CSMD3: variants seen among roughly 807,000 people sequenced by gnomAD.
CSMD3 encodes the protein CUB and sushi domain-containing protein 3.
Under a neutral mutation model 435.2 loss-of-function variants are expected in CSMD3, and 177 were observed. The observed-to-expected ratio is 0.41, with a 90% confidence interval of 0.36 to 0.46. The LOEUF (loss-of-function observed/expected upper bound fraction) is 0.46. Ranked by LOEUF, CSMD3 falls within the 20% of genes least tolerant of loss-of-function variation. CSMD3 has a pLI of 0.34. For missense variants in CSMD3, 4,265 were observed against 4,504.6 expected (o/e 0.95, Z 1.52); for synonymous variants, 1,656 against 1,520.5 (o/e 1.09, Z -2.07).
chr8:112,365,339 A>G (rs1239004816), intron 38 of CSMD3, among the ~76,000 whole-genome samples: 2 of 152,102 alleles, frequency 1.3e-5, no homozygotes, highest in Non-Finnish European at 2.9e-5. Flanking sequence ...TTAGCACAAA[A>G]TCAGTAGAAG....
At chr8:112,821,052 G>A (rs536435350) in intron 12 of CSMD3, among the ~76,000 whole-genome samples, 7 of 151,920 alleles carry the variant, frequency 4.6e-5, no homozygotes, top group Non-Finnish European at 1.0e-4. Context: ...CCAGTCTATC[G>A]TTGATGGGCA....
At chr8:112,557,187 T>A (rs1482044540) in intron 24 of CSMD3, among the ~76,000 whole-genome samples, 1 of 151,912 alleles carries the variant, frequency 6.6e-6, no homozygotes, top group Non-Finnish European at 1.5e-5. Flanking sequence ...ATGGTCTATA[T>A]AATTACCATG....
rs145750770 is a variant in CSMD3 at position 112,556,888 on chromosome 8, C to A, written c.4109G>T (p.Gly1370Val). The change falls in exon 25 of 71, where the codon GGC (glycine) becomes GTC (valine). Residue 1370 changes from glycine to valine, a missense_variant. Around this residue, in one of 3 missense-constraint regions of CSMD3, gnomAD observed 3,255 missense variants for 3,380.2 expected, o/e 0.96. Coordinates refer to ENST00000297405, the MANE Select transcript of CSMD3 (RefSeq NM_198123.2). ...PQFGYKISDQ[G>V]HFAGSTIIYG... is the part of the protein sequence containing the mutation. ...AATGATGGTGCTACCAGCAAAGTGG[C>A]CTTGGTCACTGATCTTGTATCCAAA... The A allele has an allele frequency of 6.2e-7, 1 of 1,612,144 alleles. No individual in the cohort carries two copies. Among genetic ancestry groups the A allele is most frequent in the East Asian group, 2.2e-5 (1 of 44,792 alleles).
intron 10 of CSMD3, among the ~76,000 whole-genome samples, chr8:112,900,721 G>A (rs144499521): frequency 3.5e-4 from 53 of 151,308 alleles, no homozygotes; most frequent in African/African-American, 1.1e-3. Flanking sequence ...CAGAGAAAAA[G>A]CTCTTTAAAA....
chr8:112,500,327 G>C (rs1821818851), intron 30 of CSMD3, among the ~76,000 whole-genome samples: 1 of 151,988 alleles, frequency 6.6e-6, no homozygotes, highest in Admixed American at 6.6e-5. Context: ...CTAGTTTTTA[G>C]AAAAAGATTT....
chr8:112,710,142 G>A (rs553488220), intron 13 of CSMD3, among the ~76,000 whole-genome samples: 1 of 152,182 alleles, frequency 6.6e-6, no homozygotes, highest in East Asian at 1.9e-4. Context: ...AAGATATGGG[G>A]TTTATTTTTT....
intron 6 of CSMD3, among the ~76,000 whole-genome samples, chr8:112,982,297 A>G (rs2085082281): frequency 6.6e-6 from 1 of 151,920 alleles, no homozygotes; most frequent in Non-Finnish European, 1.5e-5. Flanking sequence ...TAGTCTTATA[A>G]GGTCACAAAA....
In CSMD3 at chr8:112,263,594, A is replaced by C. The variant is rs1230527257; in HGVS notation, c.9862+45T>G. The C allele has an allele frequency of 1.9e-6, 3 of 1,566,660 alleles. No individual in the cohort carries two copies. The East Asian group carries it at 6.8e-5, about 36-fold the overall frequency. ...ACAATCTCATATTTGGTCTAGAAAA[A>C]TTTGAAAATTTTAAGTAACAGTTGT... On this transcript the variant is annotated intron_variant, in intron 61 of 70. Transcript: ENST00000297405.
intron 9 of CSMD3, among the ~76,000 whole-genome samples, chr8:112,922,562 C>G (rs945387968): frequency 1.3e-5 from 2 of 151,992 alleles, no homozygotes; most frequent in Middle Eastern, 3.4e-3. Flanking sequence ...AACCATTATT[C>G]TAATCTCTAT....
chr8:112,689,820 A>G (rs765416251), intron 14 of CSMD3, 48 bp downstream of exon 14: 1 of 1,522,354 alleles, frequency 6.6e-7, no homozygotes, highest in Non-Finnish European at 9.1e-7. Flanking sequence ...ATTATATGCA[A>G]GGACAGGGTA....
At chr8:113,099,744 T>G (rs1393624852) in intron 4 of CSMD3, among the ~76,000 whole-genome samples, 1 of 152,072 alleles carries the variant, frequency 6.6e-6, no homozygotes, top group Non-Finnish European at 1.5e-5. Flanking sequence ...GCAGCGTGGT[T>G]ATATGAGTAG....
In CSMD3 at chr8:113,144,087, T is replaced by C. The variant is rs573022440; in HGVS notation, c.709+29635A>G. The stretch of plus-strand genomic sequence containing the variant: ...CTTGGGTTAAAAGGGTTATTTATAG[T>C]TATTTTTATTATTATTTATTATATA... On this transcript the variant is annotated intron_variant, in intron 4 of 70. Transcript: ENST00000297405. Among the ~76,000 whole-genome samples the C allele has an allele frequency of 4.0e-5, 6 of 150,348 alleles. No homozygotes were observed. In the South Asian group the frequency reaches 8.3e-4, roughly 21 times the overall value.
At chr8:112,602,541 G>C (rs889438602) in intron 22 of CSMD3, among the ~76,000 whole-genome samples, 3 of 147,490 alleles carry the variant, frequency 2.0e-5, no homozygotes, top group Non-Finnish European at 4.4e-5. Context: ...ACTCCAGCCT[G>C]GGCAACAAGA....
At chr8:112,792,354 T>C (rs546549019) in intron 13 of CSMD3, among the ~76,000 whole-genome samples, 19 of 152,260 alleles carry the variant, frequency 1.2e-4, no homozygotes, top group African/African-American at 3.8e-4. Flanking sequence ...GGGCTCTTTT[T>C]CTGGCTTGCA....
At chr8:113,043,595 T>G (rs1232108122) in intron 5 of CSMD3, among the ~76,000 whole-genome samples, 8 of 152,130 alleles carry the variant, frequency 5.3e-5, no homozygotes, top group African/African-American at 1.9e-4. Flanking sequence ...TTTGACTGAC[T>G]GAATTATTCT....
intron 1 of CSMD3, among the ~76,000 whole-genome samples, chr8:113,374,839 AAAAAAAAAC>A (rs869239168): frequency 0.48 from 55,170 of 115,464 alleles, 10,975 homozygotes; most frequent in Admixed American, 0.62. Flanking sequence ...AAAAAAAAAA[AAAAAAAAAC>A]CAATAAAATG....
intron 10 of CSMD3, among the ~76,000 whole-genome samples, chr8:112,913,056 C>T (rs1587654218): frequency 6.6e-6 from 1 of 151,920 alleles, no homozygotes; most frequent in African/African-American, 2.4e-5. Flanking sequence ...GCACATCCAC[C>T]ATTGTTCTCA....
Position 112,231,543 on chromosome 8 carries a change from AC to A in CSMD3, c.10828+1del. 6.4e-7 allele frequency: 1 copy of A among 1,552,242 alleles called. No individual in the cohort carries two copies. Among genetic ancestry groups the A allele is most frequent in the Non-Finnish European group, 8.9e-7 (1 of 1,123,742 alleles). ...TCGTGAAAATCAAAATGAATACATT[AC>A]CCAGTCTTTGTAGGCCAAATTGTCC... On this transcript the variant is annotated splice_donor_variant, in intron 69 of 70. Coordinates refer to ENST00000297405, the MANE Select transcript of CSMD3 (RefSeq NM_198123.2). LOFTEE classifies it high-confidence loss of function.
chr8:113,074,810 T>C (rs1306040494), intron 5 of CSMD3, among the ~76,000 whole-genome samples: 1 of 151,828 alleles, frequency 6.6e-6, no homozygotes, highest in East Asian at 1.9e-4. Flanking sequence ...GTAAGGTTAA[T>C]TTCAAGGGCA....
Sources: allele counts gnomAD v4.1 joint callset (sites outside exome capture counted in the v4.1 genomes callset), GRCh38; gene constraint gnomAD v4.1.1; regional missense constraint gnomAD v4.1.1; transcripts MANE v1.5; gene names NCBI Gene and HGNC (gene_info 2026-07-23, HGNC 2026-07-21).